Variants in CALD1 observed in about 807,000 individuals in gnomAD.
CALD1 encodes caldesmon.
In CALD1, 33 loss-of-function variants were observed where a neutral mutation model predicts 99.9. The ratio of observed to expected loss-of-function variants is 0.33; its 90% CI spans 0.25 to 0.44. The LOEUF is 0.44. Ranked by LOEUF, CALD1 falls within the 20% of genes least tolerant of loss-of-function variation. The pLI is 1.00. For synonymous variants in CALD1, 310 were observed against 325.0 expected (o/e 0.95, Z 0.50); for missense variants, 861 against 962.1 (o/e 0.89, Z 1.39).
chr7:134,857,140 C>G (rs564209228), intron 2 of CALD1, among the ~76,000 whole-genome samples: 17 of 147,058 alleles, frequency 1.2e-4, no homozygotes, highest in African/African-American at 4.0e-4. Flanking sequence ...TTCAAAGATC[C>G]TATGGTTTTG....
intron 1 of CALD1, among the ~76,000 whole-genome samples, chr7:134,797,757 A>G (rs1385914594): frequency 1.3e-5 from 2 of 151,934 alleles, no homozygotes; most frequent in African/African-American, 4.8e-5. Flanking sequence ...CACACCGGCT[A>G]ATTTTTGTAT....
intron 1 of CALD1, among the ~76,000 whole-genome samples, chr7:134,821,561 A>T (rs1798776359): frequency 6.6e-6 from 1 of 150,808 alleles, no homozygotes; most frequent in Admixed American, 6.6e-5. Flanking sequence ...TTTTGGGGTT[A>T]ACTTTTTAAA....
At chr7:134,893,071 G>A (rs923371796) in intron 3 of CALD1, among the ~76,000 whole-genome samples, 3 of 152,140 alleles carry the variant, frequency 2.0e-5, no homozygotes, top group African/African-American at 2.4e-5. Context: ...GCCCAGTCTG[G>A]CTGGCTGTCT....
At chr7:134,906,153 C>T (rs915124650) in intron 3 of CALD1, among the ~76,000 whole-genome samples, 2 of 151,848 alleles carry the variant, frequency 1.3e-5, no homozygotes, top group African/African-American at 2.4e-5. Flanking sequence ...TGGTCTCTAA[C>T]TCCTGACCTC....
At chr7:134,965,549 C>T (rs1346167413) in intron 14 of CALD1, 163 bp downstream of exon 14, 12 of 536,384 alleles carry the variant, frequency 2.2e-5, no homozygotes, top group Middle Eastern at 3.6e-4. Flanking sequence ...AAATGAAAAG[C>T]GCATTGCAAG....
chr7:134,839,067 G>T (rs568349883), intron 1 of CALD1, among the ~76,000 whole-genome samples: 31 of 152,140 alleles, frequency 2.0e-4, no homozygotes, highest in Admixed American at 1.2e-3. Flanking sequence ...CACCCTAAAT[G>T]TCCCTTCAGA....
At chr7:134,722,564 G>A in the CALD1 span, among the ~76,000 whole-genome samples, 44 of 152,064 alleles carry the variant, frequency 2.9e-4, no homozygotes, top group African/African-American at 1.0e-3. Flanking sequence ...TAGGATTACA[G>A]GAGCATGCCA....
At chr7:134,750,444 A>G (rs1796676095) in intron 1 of CALD1, among the ~76,000 whole-genome samples, 1 of 152,212 alleles carries the variant, frequency 6.6e-6, no homozygotes, top group African/African-American at 2.4e-5. Context: ...CTTTCCTAGT[A>G]GAACCATATA....
At chr7:134,837,583 G>A (rs1799495807) in intron 1 of CALD1, among the ~76,000 whole-genome samples, 1 of 152,170 alleles carries the variant, frequency 6.6e-6, no homozygotes, top group South Asian at 2.1e-4. Context: ...TCCCGACCTT[G>A]TGATCTGCCT....
rs17168066 is a variant in CALD1, at chr7:134,820,071, A to G, written c.-129-23813A>G. ...TGCTTCTTTTTTCACCCTTCTATTC[A>G]CTTTAGTTGGATTTTCATGGAAATT... On this transcript the variant is annotated intron_variant, in intron 1 of 14. Transcript: ENST00000361675. Among the ~76,000 whole-genome samples the G allele has an allele frequency of 4.6e-3, 697 of 152,248 alleles. 4 individuals carry two copies. Among genetic ancestry groups the G allele is most frequent in the African/African-American group, 0.016 (672 of 41,532 alleles).
At chr7:134,809,517 G>T (rs1798276348) in intron 1 of CALD1, 1 of 152,156 alleles carries the variant, frequency 6.6e-6, no homozygotes, top group East Asian at 1.9e-4. Context: ...ATAAATATCA[G>T]TTCCCTCCTC....
At chr7:134,712,003 AAAGGAGGGAGGG>A in the CALD1 span, among the ~76,000 whole-genome samples, 6 of 131,886 alleles carry the variant, frequency 4.5e-5, no homozygotes, top group Admixed American at 4.6e-4. Flanking sequence ...GGAAAGAAGG[AAAGGAGGGAGGG>A]AAGGAGGGAG....
At chr7:134,817,088 A>AT (rs921895214) in intron 1 of CALD1, among the ~76,000 whole-genome samples, 3 of 152,206 alleles carry the variant, frequency 2.0e-5, no homozygotes, top group Admixed American at 2.0e-4. Flanking sequence ...TTTTATTTAA[A>AT]TTTTTTATCT....
At position 134,867,677 on chromosome 7, in the gene CALD1, A is replaced by G. The variant is rs1800862798; in HGVS notation, c.-41-16A>G. On this transcript the variant is annotated splice_polypyrimidine_tract_variant and intron_variant, in intron 2 of 14. Transcript: ENST00000361675. Reference sequence around the variant, plus strand: ...CTGAGTTATCAATGATATTGACTCTACCTCCTCTCTTTCAGGTCCAGACAT... The same window carrying G: ...CTGAGTTATCAATGATATTGACTCTGCCTCCTCTCTTTCAGGTCCAGACAT... 1 of 1,009,650 alleles carries G rather than the reference A, an allele frequency of 9.9e-7. No individual in the cohort carries two copies. Among genetic ancestry groups the G allele is most frequent in the African/African-American group, 1.6e-5 (1 of 62,564 alleles). The allele number at this position is 1,009,650 out of a possible 1,614,324, so 62.5% of individuals were successfully genotyped here.
intron 1 of CALD1, among the ~76,000 whole-genome samples, chr7:134,840,995 C>T (rs578190803): frequency 3.3e-5 from 5 of 152,282 alleles, no homozygotes; most frequent in Non-Finnish European, 4.4e-5. Context: ...TGAAAAGCAA[C>T]ACTCTTCTCT....
chr7:134,887,894 G>C (rs1801954824), intron 3 of CALD1, among the ~76,000 whole-genome samples: 1 of 152,052 alleles, frequency 6.6e-6, no homozygotes, highest in African/African-American at 2.4e-5. Flanking sequence ...GTATGTGTGT[G>C]CATGTGTGTC....
In CALD1 at chr7:134,933,820, A is replaced by C; in HGVS notation, c.1051A>C (p.Arg351=). 1 of 1,572,820 alleles carries C rather than the reference A, an allele frequency of 6.4e-7. No individual in the cohort carries two copies. Among genetic ancestry groups the C allele is most frequent in the South Asian group, 1.2e-5 (1 of 86,202 alleles). The change falls in exon 5 of 15, where the codon AGG becomes CGG. Residue 351 remains arginine (R), a synonymous_variant. Transcript: ENST00000361675. ...GCAGAGGATAAAGGAGGAAGAGAAA[A>C]GGGCAGCAGAGGAGAGGCAGAGGAT... The part of the protein sequence containing the change: ...ERQRIKEEEK[R]AAEERQRIKE...
rs1282049630 is a variant in CALD1 at position 134,969,013 on chromosome 7, C to T, written c.*668C>T. ...TTAGTAGTGATAGTAGCCTGAACCACATTTTAGATAACTCAATTATGTATG... is the reference window on the plus strand; with the variant it reads ...TTAGTAGTGATAGTAGCCTGAACCATATTTTAGATAACTCAATTATGTATG... On this transcript the variant is annotated 3_prime_UTR_variant, in exon 15 of 15. Transcript: ENST00000361675. 6.1e-6 allele frequency: 1 copy of T among 164,818 alleles called. No homozygotes were observed. The highest frequency in any genetic ancestry group is 2.4e-5 in the African/African-American group (1 of 41,640). The allele number at this position is 164,818 out of a possible 1,614,324, so 10.2% of individuals were successfully genotyped here.
At chr7:134,812,222 T>C (rs752662855) in intron 1 of CALD1, among the ~76,000 whole-genome samples, 1 of 152,190 alleles carries the variant, frequency 6.6e-6, no homozygotes, top group Non-Finnish European at 1.5e-5. Context: ...ATGTTCCCTA[T>C]AAGCTGCATG....
Sources: allele counts gnomAD v4.1 joint callset (sites outside exome capture counted in the v4.1 genomes callset), GRCh38; gene constraint gnomAD v4.1.1; transcripts MANE v1.5; gene names NCBI Gene and HGNC (gene_info 2026-07-23, HGNC 2026-07-21).